PLXNA2: variants seen among roughly 807,000 people sequenced by gnomAD.
PLXNA2 encodes the protein plexin-A2.
PLXNA2 carries 91 observed loss-of-function variants against 193.5 expected under a neutral mutation model. That is an observed-to-expected ratio of 0.47 (90% CI 0.40 to 0.56). The LOEUF (loss-of-function observed/expected upper bound fraction) is 0.56. Ranked by LOEUF, PLXNA2 falls within the 20% of genes least tolerant of loss-of-function variation. The probability of loss-of-function intolerance (pLI) is 0.00; values close to 1 mark genes in which losing one functional copy is unlikely to be tolerated. For synonymous variants in PLXNA2, 997 were observed against 1,027.3 expected (o/e 0.97, Z 0.56); for missense variants, 1,995 against 2,503.2 (o/e 0.80, Z 4.33).
At chr1:208,206,454 T>C (rs1670725001) in intron 3 of PLXNA2, among the ~76,000 whole-genome samples, 1 of 152,200 alleles carries the variant, frequency 6.6e-6, no homozygotes, top group Non-Finnish European at 1.5e-5. Flanking sequence ...CTCCCTCCCC[T>C]CTTACCTGTC....
At position 208,033,642 on chromosome 1, in the gene PLXNA2, G is replaced by T. The variant is rs746539601; in HGVS notation, c.4865-133C>A. 2.6e-5 allele frequency: 17 copies of T among 647,112 alleles called. No individual in the cohort carries two copies. In the Admixed American group the frequency reaches 4.4e-4, roughly 17 times the overall value. The allele number at this position is 647,112 out of a possible 1,614,324, so 40.1% of individuals were successfully genotyped here. On this transcript the variant is annotated intron_variant, in intron 27 of 31. Transcript: ENST00000367033. ...ATTTCAGCTGAAAGGGGACCGTTGGGACCTCATATATGGTAGGTTATTTTA... is the reference window on the plus strand; with the variant it reads ...ATTTCAGCTGAAAGGGGACCGTTGGTACCTCATATATGGTAGGTTATTTTA...
At chr1:208,196,437 A>AGTATTT (rs1670363482) in intron 3 of PLXNA2, among the ~76,000 whole-genome samples, 1 of 152,190 alleles carries the variant, frequency 6.6e-6, no homozygotes. Flanking sequence ...ACTTACACAG[A>AGTATTT]GTGGGTAAAT....
intron 10 of PLXNA2, among the ~76,000 whole-genome samples, chr1:208,083,454 C>T (rs975111868): frequency 6.6e-6 from 1 of 152,088 alleles, no homozygotes; most frequent in African/African-American, 2.4e-5. Flanking sequence ...CCTCCCCTGC[C>T]CACTGCCTCC....
At chr1:208,169,778 A>T (rs1669432828) in intron 3 of PLXNA2, among the ~76,000 whole-genome samples, 1 of 152,260 alleles carries the variant, frequency 6.6e-6, no homozygotes, top group Non-Finnish European at 1.5e-5. Context: ...ATTATGGTGC[A>T]AATCAAGTAT....
rs576123037 is a variant in PLXNA2, at chr1:208,163,116, G to T, written c.1372-20653C>A. On this transcript the variant is annotated intron_variant, in intron 3 of 31. Coordinates refer to ENST00000367033, the MANE Select transcript of PLXNA2 (RefSeq NM_025179.4). Reference sequence around the variant, plus strand: ...CTGACCCTTGAGCCAAGGCACAGGGGCACTTAGGGAAGAGGGAGGGATTGG... The same window carrying T: ...CTGACCCTTGAGCCAAGGCACAGGGTCACTTAGGGAAGAGGGAGGGATTGG... 2.8e-3 allele frequency among the ~76,000 whole-genome samples: 433 copies of T among 152,264 alleles called. 1 individual carries two copies. Among genetic ancestry groups the T allele is most frequent in the Non-Finnish European group, 4.4e-3 (300 of 68,022 alleles).
chr1:208,046,392 C>T (rs771369709), intron 17 of PLXNA2, among the ~76,000 whole-genome samples: 7 of 152,046 alleles, frequency 4.6e-5, no homozygotes, highest in East Asian at 3.9e-4. Flanking sequence ...GGCTATAGAG[C>T]GGCAGACACA....
intron 3 of PLXNA2, among the ~76,000 whole-genome samples, chr1:208,200,594 T>TC (rs1670517335): frequency 6.9e-6 from 1 of 145,232 alleles, no homozygotes; most frequent in Non-Finnish European, 1.5e-5. Context: ...TTTTTTTTTT[T>TC]TTTTTTCTTT....
chr1:208,153,613 G>T (rs1417311133), intron 3 of PLXNA2, among the ~76,000 whole-genome samples: 1 of 152,204 alleles, frequency 6.6e-6, no homozygotes, highest in Non-Finnish European at 1.5e-5. Flanking sequence ...GCTATGAAAA[G>T]GACTCCAGGA....
At chr1:208,097,043 G>T (rs538601053) in intron 6 of PLXNA2, among the ~76,000 whole-genome samples, 160 bp from the exon 7 acceptor site, 1 of 152,268 alleles carries the variant, frequency 6.6e-6, no homozygotes, top group East Asian at 1.9e-4. Flanking sequence ...GAACACTGAA[G>T]TTACAGTCAT....
intron 29 of PLXNA2, chr1:208,030,377 C>T (rs1664460769): frequency 1.0e-6 from 1 of 985,604 alleles, no homozygotes; most frequent in Non-Finnish European, 1.2e-6. Flanking sequence ...TGGACTTTCT[C>T]TTGATTTCCC....
At chr1:208,210,561 C>A (rs1291079026) in intron 2 of PLXNA2, 99 bp from the exon 3 acceptor site, 2 of 1,062,870 alleles carry the variant, frequency 1.9e-6, no homozygotes, top group African/African-American at 3.2e-5. Context: ...GGACACCAGG[C>A]CTCAGAGAGG....
chr1:208,133,455 GC>G (rs1230502810), intron 4 of PLXNA2, among the ~76,000 whole-genome samples: 1 of 152,272 alleles, frequency 6.6e-6, no homozygotes, highest in African/African-American at 2.4e-5. Flanking sequence ...TATCTTCCTG[GC>G]AGCCCTATTT....
intron 12 of PLXNA2, among the ~76,000 whole-genome samples, chr1:208,061,052 G>A (rs375436060): frequency 2.6e-5 from 4 of 152,224 alleles, no homozygotes; most frequent in African/African-American, 9.6e-5. Flanking sequence ...GGTTCTTTAA[G>A]TCAGTCATTC....
intron 6 of PLXNA2, among the ~76,000 whole-genome samples, chr1:208,097,214 T>C (rs1666929212): frequency 1.3e-5 from 2 of 152,190 alleles, no homozygotes; most frequent in Admixed American, 6.5e-5. Context: ...GAAAATTAAT[T>C]GCAAGGCACC....
At chr1:208,138,733 A>C (rs1668376670) in intron 4 of PLXNA2, among the ~76,000 whole-genome samples, 1 of 152,226 alleles carries the variant, frequency 6.6e-6, no homozygotes, top group South Asian at 2.1e-4. Context: ...TCCATAAAAA[A>C]AATTTTAAAT....
rs377445028 is a variant in PLXNA2 at position 208,030,357 on chromosome 1, C to T, written c.5225+1233G>A. ...CCAGCACACAGAAGGCACAGAGATG[C>T]GGATAACCCTGGACTTTCTCTTGAT... On this transcript the variant is annotated intron_variant, in intron 29 of 31. Coordinates refer to ENST00000367033, the MANE Select transcript of PLXNA2 (RefSeq NM_025179.4). The T allele has an allele frequency of 2.5e-5, 25 of 985,534 alleles. No homozygotes were observed. In the East Asian group the frequency reaches 4.5e-4, roughly 18 times the overall value. The allele number at this position is 985,534 out of a possible 1,614,324, so 61.0% of individuals were successfully genotyped here.
At chr1:208,108,117 G>T (rs1216909430) in intron 4 of PLXNA2, among the ~76,000 whole-genome samples, 2 of 152,142 alleles carry the variant, frequency 1.3e-5, no homozygotes, top group Admixed American at 6.5e-5. Flanking sequence ...GAGGGACTTG[G>T]CAGGGAGTGC....
intron 3 of PLXNA2, among the ~76,000 whole-genome samples, chr1:208,148,180 T>G (rs1419950814): frequency 6.6e-6 from 1 of 152,242 alleles, no homozygotes; most frequent in Non-Finnish European, 1.5e-5. Flanking sequence ...CCTTTTCTTG[T>G]GCTTCGATTT....
intron 4 of PLXNA2, among the ~76,000 whole-genome samples, chr1:208,118,705 A>T (rs10779472): frequency 3.9e-5 from 6 of 151,990 alleles, no homozygotes; most frequent in African/African-American, 7.3e-5. Flanking sequence ...GGTCACAGAG[A>T]GGGGAACCTG....
Sources: gnomAD v4.1 joint callset for allele counts (sites outside exome capture counted in the v4.1 genomes callset) on GRCh38, gnomAD v4.1.1 for gene constraint, MANE v1.5 for transcripts, NCBI Gene and HGNC (gene_info 2026-07-23, HGNC 2026-07-21) for gene names.